Variants in USP28 observed in about 807,000 individuals in gnomAD.
The protein encoded by USP28 is ubiquitin carboxyl-terminal hydrolase 28.
Under a neutral mutation model 145.0 loss-of-function variants are expected in USP28, and 113 were observed. That is an observed-to-expected ratio of 0.78 (90% CI 0.67 to 0.91). The LOEUF (loss-of-function observed/expected upper bound fraction) is 0.91, where lower values mean the gene tolerates loss of function less well. Ranked by LOEUF, USP28 falls within the 40% of genes least tolerant of loss-of-function variation. USP28 has a pLI of 0.00. For synonymous variants in USP28, 447 were observed against 450.9 expected (o/e 0.99, Z 0.11); for missense variants, 1,201 against 1,289.6 (o/e 0.93, Z 1.05).
intron 14 of USP28, 50 bp from the exon 15 acceptor site, chr11:113,814,005 T>C (rs941838955): frequency 7.2e-7 from 1 of 1,393,324 alleles, no homozygotes; most frequent in Non-Finnish European, 1.0e-6. Context: ...TCTCATTCTA[T>C]GTCACACAGG....
intron 2 of USP28, among the ~76,000 whole-genome samples, chr11:113,853,572 T>G (rs1217828142): frequency 1.3e-5 from 2 of 152,072 alleles, no homozygotes; most frequent in Non-Finnish European, 2.9e-5. Flanking sequence ...TCAGAACATA[T>G]CTTTTAAAAA....
chr11:113,827,545 C>T (rs1333919705), intron 10 of USP28, among the ~76,000 whole-genome samples, 185 bp from the exon 11 acceptor site: 1 of 152,184 alleles, frequency 6.6e-6, no homozygotes, highest in African/African-American at 2.4e-5. Flanking sequence ...GAATCTCATT[C>T]TCTTACAGAA....
At chr11:113,869,534 T>C (rs1431945825) in intron 1 of USP28, among the ~76,000 whole-genome samples, 1 of 152,138 alleles carries the variant, frequency 6.6e-6, no homozygotes, top group Admixed American at 6.5e-5. Context: ...AAGGCTGCAG[T>C]GAGCCTTGAC....
At chr11:113,831,022 A>C (rs760752417) in intron 8 of USP28, 79 bp from the exon 9 acceptor site, 3 of 1,462,950 alleles carry the variant, frequency 2.1e-6, no homozygotes, top group African/African-American at 2.8e-5. Context: ...ATCATTCAAA[A>C]GCAAAAATAG....
rs764775961 is a variant in USP28, at chr11:113,823,589, G to A, written c.1283+16C>T. ...ATTCTTTTACATTTCTAAGCATGAA[G>A]GTGTCCAAAACTCACCTTTCCAATT... On this transcript the variant is annotated intron_variant, in intron 12 of 24. Transcript: ENST00000003302. The A allele has an allele frequency of 6.4e-7, 1 of 1,554,404 alleles. No individual in the cohort carries two copies. Among genetic ancestry groups the A allele is most frequent in the South Asian group, 1.1e-5 (1 of 87,168 alleles).
At chr11:113,873,088 G>A (rs539325410) in intron 1 of USP28, among the ~76,000 whole-genome samples, 8 of 152,202 alleles carry the variant, frequency 5.3e-5, no homozygotes, top group Admixed American at 2.0e-4. Context: ...TCCTCAACTA[G>A]AACAATGAAA....
intron 16 of USP28, among the ~76,000 whole-genome samples, chr11:113,811,697 A>G (rs182555300): frequency 6.4e-4 from 97 of 152,264 alleles, no homozygotes; most frequent in African/African-American, 2.1e-3. Context: ...CAAAAAAAAA[A>G]GAAAGAAAAA....
chr11:113,803,759 C>T (rs1939459997), intron 22 of USP28, 39 bp downstream of exon 23: 3 of 1,554,940 alleles, frequency 1.9e-6, no homozygotes, highest in African/African-American at 2.8e-5. Context: ...AGAACAGCAT[C>T]CTGACTAATA....
chr11:113,852,584 C>T (rs373851512), exon 3 of USP28: 1 of 1,614,178 alleles, frequency 6.2e-7, no homozygotes, highest in Non-Finnish European at 8.5e-7. Context: ...CTCCTTAACT[C>T]TCTCATCAGT....
chr11:113,803,967 T>G (rs1420297734), intron 21 of USP28, 90 bp from the exon 23 acceptor site: 12 of 1,171,446 alleles, frequency 1.0e-5, no homozygotes, highest in Admixed American at 6.2e-5. Flanking sequence ...TACAAATATT[T>G]ACTGAGCACA....
In USP28 at chr11:113,804,564, G is replaced by A. The variant is rs890701585; in HGVS notation, c.2658+109C>T. On this transcript the variant is annotated intron_variant, in intron 21 of 24. Coordinates refer to ENST00000003302, the Ensembl canonical transcript of USP28. ...TTTACCAGGATTTTGAGGGGAAAGT[G>A]GAAGAACAAGTCAGTTTGTAATAGC... 19 of 929,056 alleles carry A rather than the reference G, an allele frequency of 2.0e-5. No individual in the cohort carries two copies. In the African/African-American group the frequency reaches 2.8e-4, roughly 14 times the overall value. The allele number at this position is 929,056 out of a possible 1,614,324, so 57.6% of individuals were successfully genotyped here.
chr11:113,858,170 G>A (rs1947271966), intron 1 of USP28, among the ~76,000 whole-genome samples: 1 of 152,096 alleles, frequency 6.6e-6, no homozygotes, highest in South Asian at 2.1e-4. Context: ...CTGGCCTAGT[G>A]ACCTTTTTTT....
At chr11:113,824,566 A>G (rs1943071354) in intron 11 of USP28, among the ~76,000 whole-genome samples, 1 of 150,340 alleles carries the variant, frequency 6.7e-6, no homozygotes, top group African/African-American at 2.4e-5. Flanking sequence ...TGATCCACCC[A>G]CCTCAGCCTC....
intron 5 of USP28, among the ~76,000 whole-genome samples, chr11:113,840,017 A>T (rs965498733): frequency 2.0e-5 from 3 of 152,132 alleles, no homozygotes; most frequent in African/African-American, 7.2e-5. Flanking sequence ...TGTCAGAAAG[A>T]AAAAAACAAA....
chr11:113,809,208 T>C (rs757912623), exon 17 of USP28: 47 of 1,614,102 alleles, frequency 2.9e-5, no homozygotes, highest in Non-Finnish European at 3.4e-5. Flanking sequence ...GTTCCACAGA[T>C]AGGGCTTCCA....
intron 5 of USP28, chr11:113,835,215 AGT>A (rs1303593248): frequency 1.8e-5 from 8 of 447,648 alleles, no homozygotes; most frequent in Non-Finnish European, 1.8e-5. Context: ...ACCTTTCATA[AGT>A]TAATTTTCTT....
At chr11:113,861,123 CA>C (rs1166313897) in intron 1 of USP28, among the ~76,000 whole-genome samples, 324 of 88,182 alleles carry the variant, frequency 3.7e-3, no homozygotes, top group Middle Eastern at 0.013. Flanking sequence ...GACTACACCT[CA>C]AAAAAAAAAA....
intron 13 of USP28, among the ~76,000 whole-genome samples, chr11:113,816,990 T>C (rs973021918): frequency 6.6e-6 from 1 of 152,090 alleles, no homozygotes; most frequent in African/African-American, 2.4e-5. Context: ...GGGGGATGTG[T>C]TGGGGAGAAT....
intron 5 of USP28, 67 bp downstream of exon 5, chr11:113,840,531 A>G: frequency 6.5e-7 from 1 of 1,548,154 alleles, no homozygotes; most frequent in African/African-American, 1.4e-5. Flanking sequence ...CTATGTTTCT[A>G]CATTTCAGTT....
Sources: allele counts gnomAD v4.1 joint callset (sites outside exome capture counted in the v4.1 genomes callset), GRCh38; gene constraint gnomAD v4.1.1; transcripts MANE v1.5; gene names NCBI Gene and HGNC (gene_info 2026-07-23, HGNC 2026-07-21).